ILRUN: variants seen among roughly 807,000 people sequenced by gnomAD.
The protein encoded by ILRUN is protein ILRUN.
ILRUN carries 3 observed loss-of-function variants against 33.8 expected under a neutral mutation model. The observed-to-expected ratio is 0.09, with a 90% confidence interval of 0.04 to 0.23. The LOEUF (loss-of-function observed/expected upper bound fraction) is 0.23, where lower values mean the gene tolerates loss of function less well. ILRUN is among the 10% of genes least tolerant of loss of function. ILRUN has a pLI of 1.00. For synonymous variants in ILRUN, 124 were observed against 138.9 expected, an observed-to-expected ratio of 0.89 and a Z score of 0.75; for missense variants, 210 against 375.1, an observed-to-expected ratio of 0.56 and a Z score of 3.64.
chr6:34,635,450 C>T (rs1762341232), intron 3 of ILRUN, among the ~76,000 whole-genome samples: 1 of 151,536 alleles, frequency 6.6e-6, no homozygotes, highest in Non-Finnish European at 1.5e-5. Flanking sequence ...ATCACCTGAG[C>T]CTGGGATGTC....
At chr6:34,598,639 G>A (rs1444585202) in intron 4 of ILRUN, among the ~76,000 whole-genome samples, 4 of 152,198 alleles carry the variant, frequency 2.6e-5, no homozygotes, top group Non-Finnish European at 5.9e-5. Context: ...AATGCTCAGA[G>A]CCCAAAGCAA....
intron 3 of ILRUN, among the ~76,000 whole-genome samples, chr6:34,636,588 G>C (rs559027935): frequency 6.6e-6 from 1 of 152,118 alleles, no homozygotes; most frequent in African/African-American, 2.4e-5. Context: ...GTAATGTGAG[G>C]TTTCTAAGAA....
intron 1 of ILRUN, chr6:34,685,466 C>G (rs970611412): frequency 1.3e-5 from 2 of 152,224 alleles, no homozygotes; most frequent in African/African-American, 2.4e-5. Context: ...GGCTCACCCC[C>G]TCCTTAGGCA....
chr6:34,623,505 A>C (rs1762048896), intron 3 of ILRUN, among the ~76,000 whole-genome samples: 1 of 152,228 alleles, frequency 6.6e-6, no homozygotes. Flanking sequence ...TAATAATTTA[A>C]ACTTCTATAG....
intron 1 of ILRUN, among the ~76,000 whole-genome samples, chr6:34,672,544 T>C (rs1193441739): frequency 6.6e-6 from 1 of 152,030 alleles, no homozygotes; most frequent in African/African-American, 2.4e-5. Flanking sequence ...AGAAAACCTG[T>C]CTCTTTAAAA....
chr6:34,627,962 C>G (rs899845706), intron 3 of ILRUN, among the ~76,000 whole-genome samples: 9 of 152,044 alleles, frequency 5.9e-5, no homozygotes, highest in Non-Finnish European at 1.3e-4. Flanking sequence ...CCTCAGTCCC[C>G]GAAGTACTGG....
intron 3 of ILRUN, among the ~76,000 whole-genome samples, chr6:34,624,572 G>A (rs1762077027): frequency 6.6e-6 from 1 of 151,846 alleles, no homozygotes; most frequent in Non-Finnish European, 1.5e-5. Context: ...GACCTCAGGT[G>A]ATCCACCTGC....
At chr6:34,675,560 T>G (rs1365051068) in intron 1 of ILRUN, among the ~76,000 whole-genome samples, 3 of 151,990 alleles carry the variant, frequency 2.0e-5, no homozygotes, top group Non-Finnish European at 4.4e-5. Flanking sequence ...CCCCTCCCAC[T>G]GCCCCTCCCC....
chr6:34,597,619 TAAGGG>T (rs1761428377), intron 4 of ILRUN, among the ~76,000 whole-genome samples: 1 of 152,230 alleles, frequency 6.6e-6, no homozygotes, highest in African/African-American at 2.4e-5. Context: ...GCTAGTGGAT[TAAGGG>T]AAGACAGTAA....
chr6:34,653,056 G>A (rs888862736), intron 2 of ILRUN, among the ~76,000 whole-genome samples: 3 of 147,138 alleles, frequency 2.0e-5, no homozygotes, highest in South Asian at 2.2e-4. Flanking sequence ...GCCAAGGTAA[G>A]AGGATTATTT....
In ILRUN at chr6:34,592,639, G is replaced by C. The variant is rs537823061; in HGVS notation, c.862-2039C>G. ...ACAGAGTCAAGTGCTGGGATTACAG[G>C]CATGAGCCACTGCGCCTGGCCTTTG... On this transcript the variant is annotated intron_variant, in intron 4 of 4. Transcript: ENST00000374023. This position sits in a 1 kb window ranked among gnomAD's most constrained non-coding sequence, Gnocchi z 4.0. Among the ~76,000 whole-genome samples the C allele has an allele frequency of 3.3e-4, 50 of 151,940 alleles. No homozygotes were observed. Among genetic ancestry groups the C allele is most frequent in the African/African-American group, 9.2e-4 (38 of 41,412 alleles).
chr6:34,696,615 G>T lies in ILRUN; in HGVS notation c.-12C>A. 1 of 1,590,490 alleles carries T rather than the reference G, an allele frequency of 6.3e-7. No individual in the cohort carries two copies. Among genetic ancestry groups the T allele is most frequent in the Non-Finnish European group, 8.5e-7 (1 of 1,171,392 alleles). ...TCCATGCCCTCCATGGCGGGGACCG[G>T]ACACCCGCTTCCCCGCCTCTTCACA... On this transcript the variant is annotated 5_prime_UTR_variant, in exon 1 of 5. Transcript: ENST00000374023.
intron 3 of ILRUN, among the ~76,000 whole-genome samples, chr6:34,615,037 G>A (rs1252162803): frequency 6.6e-6 from 1 of 152,136 alleles, no homozygotes; most frequent in Non-Finnish European, 1.5e-5. Flanking sequence ...TGGTAGCCTA[G>A]ATTGGATTCT....
At chr6:34,659,664 C>T (rs1396916454) in intron 1 of ILRUN, among the ~76,000 whole-genome samples, 2 of 146,822 alleles carry the variant, frequency 1.4e-5, no homozygotes, top group Non-Finnish European at 3.0e-5. Context: ...ACTCTATCCC[C>T]AGGCTGGAGT....
chr6:34,688,849 T>C (rs571833333), intron 1 of ILRUN, among the ~76,000 whole-genome samples: 2 of 151,976 alleles, frequency 1.3e-5, no homozygotes, highest in Middle Eastern at 6.8e-3. Context: ...ACATGACGTA[T>C]CCACGGGAGG....
intron 2 of ILRUN, among the ~76,000 whole-genome samples, chr6:34,647,074 G>A (rs1177636691): frequency 6.6e-6 from 1 of 152,060 alleles, no homozygotes; most frequent in Non-Finnish European, 1.5e-5. Context: ...TCCAGGGAAG[G>A]CCACACGTCA....
chr6:34,610,029 C>T (rs1411391698), intron 3 of ILRUN, among the ~76,000 whole-genome samples: 4 of 151,718 alleles, frequency 2.6e-5, no homozygotes, highest in African/African-American at 9.7e-5. Flanking sequence ...GGCATGGTGG[C>T]GGGCTCCTAT....
chr6:34,614,443 A>AAAAAATAGAT (rs71000073), intron 3 of ILRUN, among the ~76,000 whole-genome samples: 1 of 133,598 alleles, frequency 7.5e-6, no homozygotes, highest in Non-Finnish European at 1.5e-5. Flanking sequence ...AAAAAAAAAA[A>AAAAAATAGAT]ATATATATAT....
At chr6:34,593,537 T>G (rs1241278229) in intron 4 of ILRUN, among the ~76,000 whole-genome samples, 1 of 152,220 alleles carries the variant, frequency 6.6e-6, no homozygotes, top group African/African-American at 2.4e-5. Context: ...TTCAGACCAT[T>G]CAGTGTGGCA....
Sources: gnomAD v4.1 joint callset for allele counts (sites outside exome capture counted in the v4.1 genomes callset) on GRCh38, gnomAD v4.1.1 for gene constraint, Gnocchi (gnomAD v3.1) non-coding constraint, MANE v1.5 for transcripts, NCBI Gene and HGNC (gene_info 2026-07-23, HGNC 2026-07-21) for gene names.